Variants in AKR1B1 observed in about 807,000 individuals in gnomAD.
The protein encoded by AKR1B1 is aldo-keto reductase family 1 member B1.
In AKR1B1, 22 loss-of-function variants were observed where a neutral mutation model predicts 40.4. The ratio of observed to expected loss-of-function variants is 0.54; its 90% confidence interval spans 0.39 to 0.78. The LOEUF (loss-of-function observed/expected upper bound fraction) is 0.78. Ranked by LOEUF, AKR1B1 falls within the 30% of genes least tolerant of loss-of-function variation. The pLI is 0.00. For synonymous variants in AKR1B1, 157 were observed against 149.9 expected (o/e 1.05, Z -0.35); for missense variants, 357 against 396.7 (o/e 0.90, Z 0.85).
chr7:134,448,512 G>C lies in AKR1B1; in HGVS notation c.553-19C>G. Reference sequence around the variant, plus strand: ...ACTCAATCTGCAAATGCAAAAACAAGAGCTGATGGGAGCACTGTGGCTACA... The same window carrying C: ...ACTCAATCTGCAAATGCAAAAACAACAGCTGATGGGAGCACTGTGGCTACA... On this transcript the variant is annotated intron_variant, in intron 5 of 9. Transcript: ENST00000285930. The C allele has an allele frequency of 1.3e-6, 2 of 1,571,974 alleles. No individual in the cohort carries two copies. The highest frequency in any genetic ancestry group is 1.8e-6 in the Non-Finnish European group (2 of 1,141,860).
rs377215784 is a variant in AKR1B1, at chr7:134,444,384, G to T, written c.908+854C>A. Among the ~76,000 whole-genome samples, 8 of 152,376 alleles carry T rather than the reference G, an allele frequency of 5.3e-5. No individual in the cohort carries two copies. The South Asian group carries it at 1.4e-3, about 28-fold the overall frequency. On this transcript the variant is annotated intron_variant, in intron 9 of 9. Transcript: ENST00000285930. ...CAGACTGGGCAAACATCTGCCTGGG[G>T]CGGTGGCTGAAGCCACCAGCAGTGC...
At position 134,449,760 on chromosome 7, in the gene AKR1B1, T is replaced by A. The variant is rs373907248; in HGVS notation, c.389A>T (p.Asn130Ile). The change falls in exon 4 of 10, where the codon AAT becomes ATT. Residue 130 changes from asparagine to isoleucine, a missense_variant. Asn to Ile is a moderately radical substitution (Grantham distance 149). Coordinates refer to ENST00000285930, the MANE Select transcript of AKR1B1 (RefSeq NM_001628.4). ...KEFFPLDESG[N>I]VVPSDTNILD... ...AATGTTGGTGTCACTGGGAACCACA[T>A]TGCCCGACTCATCCAATGGGAAAAA... 6.2e-7 allele frequency: 1 copy of A among 1,613,972 alleles called. No homozygotes were observed. The highest frequency in any genetic ancestry group is 1.7e-5 in the Admixed American group (1 of 59,990).
intron 1 of AKR1B1, among the ~76,000 whole-genome samples, chr7:134,453,536 T>C (rs1806358157): frequency 6.7e-6 from 1 of 150,080 alleles, no homozygotes; most frequent in African/African-American, 2.4e-5. Context: ...CCAAACACAC[T>C]TTTTTTTTTC....
chr7:134,456,166 A>G (rs1806464496), intron 1 of AKR1B1, among the ~76,000 whole-genome samples: 1 of 152,158 alleles, frequency 6.6e-6, no homozygotes, highest in Non-Finnish European at 1.5e-5. Flanking sequence ...GCATCTGTGA[A>G]AGAATACATA....
intron 5 of AKR1B1, 125 bp downstream of exon 5, chr7:134,448,872 G>T: frequency 8.7e-7 from 1 of 1,148,126 alleles, no homozygotes; most frequent in Non-Finnish European, 1.3e-6. Context: ...CATAACTCAG[G>T]ACTCTGCCAA....
chr7:134,443,562 A>G lies in AKR1B1; in HGVS notation c.909-792T>C, dbSNP rs560846093. Among the ~76,000 whole-genome samples the G allele has an allele frequency of 3.3e-5, 5 of 151,794 alleles. No individual in the cohort carries two copies. The South Asian group carries it at 1.0e-3, about 32-fold the overall frequency. Reference sequence around the variant, plus strand: ...TCAACGGTCGGCGATTTTATATTGGAAACAGGGCAGGGAGCACAGGGCAGG... The same window carrying G: ...TCAACGGTCGGCGATTTTATATTGGGAACAGGGCAGGGAGCACAGGGCAGG... On this transcript the variant is annotated intron_variant, in intron 9 of 9. Transcript: ENST00000285930.
At chr7:134,443,946 A>G (rs1254498662) in intron 9 of AKR1B1, among the ~76,000 whole-genome samples, 1 of 152,168 alleles carries the variant, frequency 6.6e-6, no homozygotes, top group Non-Finnish European at 1.5e-5. Flanking sequence ...CCGCCACGCA[A>G]CAGGATAATC....
In AKR1B1 at chr7:134,448,011, A is replaced by G; in HGVS notation, c.710T>C (p.Ile237Thr). The G allele has an allele frequency of 6.2e-7, 1 of 1,613,268 alleles. No individual in the cohort carries two copies. Residue 237 changes from isoleucine (I) to threonine (T), a missense_variant, in exon 7 of 10, where the codon ATC becomes ACC. Ile to Thr is a moderately conservative substitution (Grantham distance 89, BLOSUM62 -1). Coordinates refer to ENST00000285930, the MANE Select transcript of AKR1B1 (RefSeq NM_001628.4). ...TGTAGTTTTATTGTGCTTGGCTGCG[A>G]TCGCCTTGATCCTGGGATCCTCCAG... is the stretch of plus-strand genomic sequence containing the variant. Reference protein sequence around the residue: ...SLLEDPRIKAIAAKHNKTTAQ... With the variant: ...SLLEDPRIKATAAKHNKTTAQ...
rs1806204642 is a variant in AKR1B1 at position 134,449,284 on chromosome 7, A to C, written c.430-165T>G. The C allele has an allele frequency of 5.9e-6, 6 of 1,018,038 alleles. No homozygotes were observed. The Admixed American group carries it at 1.1e-4, about 18-fold the overall frequency. The allele number at this position is 1,018,038 out of a possible 1,614,324, so 63.1% of individuals were successfully genotyped here. A position where few individuals can be genotyped will look rare whatever the true frequency, so the allele number is the denominator to read the frequency against. On this transcript the variant is annotated intron_variant, in intron 4 of 9. Transcript: ENST00000285930. Reference sequence around the variant, plus strand: ...TGAGACGAAAGCCAGGCTGGCTTTAATGAGATAAGAAGAGCAAACAGGCCG... The same window carrying C: ...TGAGACGAAAGCCAGGCTGGCTTTACTGAGATAAGAAGAGCAAACAGGCCG...
intron 1 of AKR1B1, among the ~76,000 whole-genome samples, chr7:134,454,331 T>G (rs1275946649): frequency 6.6e-6 from 1 of 152,126 alleles, no homozygotes; most frequent in Non-Finnish European, 1.5e-5. Flanking sequence ...ACCACCTCCT[T>G]CAAGACAGCG....
chr7:134,442,659 T>C lies in AKR1B1; in HGVS notation c.*69A>G, dbSNP rs1805972331. 11 of 1,539,546 alleles carry C rather than the reference T, an allele frequency of 7.1e-6. No individual in the cohort carries two copies. Among genetic ancestry groups the C allele is most frequent in the Middle Eastern group, 1.7e-4 (1 of 5,934 alleles). ...CTGAGTGACACAGGCCATACTACATTTGCAAGGAAAAAAATGAGGCAAGAA... is the reference window on the plus strand; with the variant it reads ...CTGAGTGACACAGGCCATACTACATCTGCAAGGAAAAAAATGAGGCAAGAA... On this transcript the variant is annotated 3_prime_UTR_variant, in exon 10 of 10. Coordinates refer to ENST00000285930, the MANE Select transcript of AKR1B1 (RefSeq NM_001628.4).
At chr7:134,445,578 C>A (rs1309848628) in intron 8 of AKR1B1, among the ~76,000 whole-genome samples, 1 of 152,216 alleles carries the variant, frequency 6.6e-6, no homozygotes, top group Non-Finnish European at 1.5e-5. Flanking sequence ...AAAAACACTA[C>A]TGAGCACTTC....
At chr7:134,459,163 T>A, upstream of AKR1B1, 1 of 1,415,788 alleles carries the variant, frequency 7.1e-7, no homozygotes, top group Non-Finnish European at 9.7e-7. Flanking sequence ...GCGCCTGCGG[T>A]TGGCGCGCCG....
At chr7:134,450,665 G>T in intron 3 of AKR1B1, 121 bp downstream of exon 3, 1 of 814,546 alleles carries the variant, frequency 1.2e-6, no homozygotes, top group Non-Finnish European at 2.2e-6. Flanking sequence ...TGGTCCACTG[G>T]CTATACCTTG....
At chr7:134,459,226 C>T (rs1806599095), upstream of AKR1B1, 1 of 805,834 alleles carries the variant, frequency 1.2e-6, no homozygotes, top group African/African-American at 1.7e-5. Context: ...CGGCGGCCTT[C>T]CCCAAGGGTC....
At chr7:134,451,180 C>T (rs545637290) in intron 2 of AKR1B1, 2 of 561,512 alleles carry the variant, frequency 3.6e-6, no homozygotes, top group East Asian at 3.2e-5. Context: ...CGAAACTTTC[C>T]CCCCGGGCTG....
At chr7:134,458,784 C>T (rs942188869) in intron 1 of AKR1B1, among the ~76,000 whole-genome samples, 2 of 152,108 alleles carry the variant, frequency 1.3e-5, no homozygotes, top group African/African-American at 4.8e-5. Context: ...AGGATGCTGC[C>T]CTGACGCCCA....
intron 9 of AKR1B1, among the ~76,000 whole-genome samples, chr7:134,444,123 G>GA (rs1806024254): frequency 6.6e-6 from 1 of 152,198 alleles, no homozygotes; most frequent in African/African-American, 2.4e-5. Context: ...AAAGGAGAAC[G>GA]AATGTAGCTT....
At chr7:134,447,405 G>C in intron 7 of AKR1B1, 24 bp from the exon 8 acceptor site, 1 of 1,603,774 alleles carries the variant, frequency 6.2e-7, no homozygotes, top group South Asian at 1.1e-5. Flanking sequence ...GAGACAGTGA[G>C]TGTGTATACA....
Sources: allele counts gnomAD v4.1 joint callset (sites outside exome capture counted in the v4.1 genomes callset), GRCh38; gene constraint gnomAD v4.1.1; transcripts MANE v1.5; gene names NCBI Gene and HGNC (gene_info 2026-07-23, HGNC 2026-07-21).